Variants in ECM2 observed in about 807,000 individuals in gnomAD.
The protein encoded by ECM2 is extracellular matrix protein 2, female organ and adipocyte specific.
A neutral mutation model predicts 67.5 loss-of-function variants in ECM2; 57 were observed. The ratio of observed to expected loss-of-function variants is 0.84; its 90% CI spans 0.68 to 1.05. ECM2 has a LOEUF of 1.05. Among genes scored for constraint, ECM2 ranks in the 50% least tolerant of loss-of-function variants. The pLI, the probability that ECM2 is intolerant of heterozygous loss-of-function variation, is 0.00. For synonymous variants in ECM2, 258 were observed against 294.5 expected (o/e 0.88, Z 1.27); for missense variants, 741 against 822.8 (o/e 0.90, Z 1.22).
At chr9:92,544,627 A>C in the ECM2 span, among the ~76,000 whole-genome samples, 31 of 152,278 alleles carry the variant, frequency 2.0e-4, no homozygotes, top group Non-Finnish European at 3.7e-4. Context: ...AAAACTAGTA[A>C]AAGCTGTGGC....
At chr9:92,497,988 TG>T (rs1846453824) in intron 9 of ECM2, among the ~76,000 whole-genome samples, 1 of 151,986 alleles carries the variant, frequency 6.6e-6, no homozygotes, top group Admixed American at 6.5e-5. Context: ...GGAAGCAGCC[TG>T]AAGGCCCTCA....
chr9:92,545,393 G>A, the ECM2 span, among the ~76,000 whole-genome samples: 5 of 152,328 alleles, frequency 3.3e-5, no homozygotes, highest in African/African-American at 7.2e-5. Context: ...TAGCACCCCG[G>A]CCAGCAGCTG....
chr9:92,545,732 T>C, the ECM2 span, among the ~76,000 whole-genome samples: 2 of 152,152 alleles, frequency 1.3e-5, no homozygotes, highest in Non-Finnish European at 2.9e-5. Flanking sequence ...TTGAGTCTAG[T>C]GGGGATTTGG....
chr9:92,505,216 T>C (rs1310526777), intron 7 of ECM2, among the ~76,000 whole-genome samples: 2 of 152,230 alleles, frequency 1.3e-5, no homozygotes, highest in Non-Finnish European at 2.9e-5. Flanking sequence ...TGGGGCAGTT[T>C]ACACTGTCTT....
At chr9:92,541,245 C>T (rs945509822), upstream of ECM2, among the ~76,000 whole-genome samples, 6 of 152,196 alleles carry the variant, frequency 3.9e-5, no homozygotes, top group Non-Finnish European at 7.4e-5. Flanking sequence ...GGTGACAGAG[C>T]GAGACTCCAT....
the ECM2 span, among the ~76,000 whole-genome samples, chr9:92,550,126 G>A: frequency 6.6e-6 from 1 of 152,182 alleles, no homozygotes; most frequent in African/African-American, 2.4e-5. Context: ...GGCCGGGCGT[G>A]GTGGCTCACG....
the ECM2 span, among the ~76,000 whole-genome samples, chr9:92,554,188 CT>C: frequency 7.9e-4 from 115 of 146,488 alleles, no homozygotes; most frequent in Middle Eastern, 3.5e-3. Context: ...GTTTTTAATT[CT>C]TTTTTTTTTT....
At chr9:92,539,929 G>A (rs1849278870), upstream of ECM2, among the ~76,000 whole-genome samples, 1 of 151,952 alleles carries the variant, frequency 6.6e-6, no homozygotes, top group Admixed American at 6.5e-5. Flanking sequence ...GCATTTCCAG[G>A]TTGCTTTCCA....
At chr9:92,525,605 C>T (rs1848345628) in intron 1 of ECM2, among the ~76,000 whole-genome samples, 1 of 152,086 alleles carries the variant, frequency 6.6e-6, no homozygotes, top group Non-Finnish European at 1.5e-5. Flanking sequence ...AAAAATACAG[C>T]ACAGGCTGGG....
chr9:92,536,245 A>AT (rs1181251576), upstream of ECM2, among the ~76,000 whole-genome samples: 9 of 152,156 alleles, frequency 5.9e-5, no homozygotes, highest in Admixed American at 2.0e-4. Context: ...TGCAGGCTGA[A>AT]AAGGCAGAGT....
At chr9:92,498,329 TA>T (rs1190800096) in intron 9 of ECM2, among the ~76,000 whole-genome samples, 1 of 152,034 alleles carries the variant, frequency 6.6e-6, no homozygotes, top group African/African-American at 2.4e-5. Context: ...GGGATAGCAT[TA>T]GGAGGTATAC....
chr9:92,533,608 GA>G (rs1475238279), intron 1 of ECM2, among the ~76,000 whole-genome samples: 1 of 151,670 alleles, frequency 6.6e-6, no homozygotes, highest in African/African-American at 2.4e-5. Context: ...CAGGTCTAAT[GA>G]TCTGACTTGC....
At chr9:92,506,395 C>T (rs946870406) in intron 6 of ECM2, among the ~76,000 whole-genome samples, 2 of 152,126 alleles carry the variant, frequency 1.3e-5, no homozygotes, top group African/African-American at 4.8e-5. Flanking sequence ...ATTTTTTCTA[C>T]TTTGTTTCTA....
chr9:92,528,639 C>A (rs1394636948), intron 1 of ECM2, among the ~76,000 whole-genome samples: 1 of 152,190 alleles, frequency 6.6e-6, no homozygotes, highest in Non-Finnish European at 1.5e-5. Flanking sequence ...GAAAACCTTA[C>A]AATTCACAGG....
the ECM2 span, among the ~76,000 whole-genome samples, chr9:92,552,659 A>G: frequency 6.6e-6 from 1 of 151,934 alleles, no homozygotes; most frequent in Non-Finnish European, 1.5e-5. Flanking sequence ...AAAATTGTCT[A>G]TTCGTGTCAT....
upstream of ECM2, among the ~76,000 whole-genome samples, chr9:92,538,337 T>C (rs192480822): frequency 2.0e-5 from 3 of 152,326 alleles, no homozygotes; most frequent in African/African-American, 7.2e-5. Context: ...TTACCTTCTT[T>C]TGATGTATGT....
chr9:92,557,864 C>T, the ECM2 span, among the ~76,000 whole-genome samples: 30 of 152,152 alleles, frequency 2.0e-4, no homozygotes, highest in African/African-American at 6.7e-4. Context: ...AGGATGGTCT[C>T]GATCTCCTGA....
chr9:92,536,035 G>T, upstream of ECM2: 1 of 505,056 alleles, frequency 2.0e-6, no homozygotes, highest in South Asian at 1.5e-5. Flanking sequence ...AAGGACAGAA[G>T]GGAATGTTGA....
intron 1 of ECM2, among the ~76,000 whole-genome samples, chr9:92,525,857 C>T (rs1360912736): frequency 7.2e-6 from 1 of 138,532 alleles, no homozygotes; most frequent in Admixed American, 7.8e-5. Flanking sequence ...TACAGGTATG[C>T]ACCACCATGC....
Sources: allele counts gnomAD v4.1 joint callset (sites outside exome capture counted in the v4.1 genomes callset), GRCh38; gene constraint gnomAD v4.1.1; transcripts MANE v1.5; gene names NCBI Gene and HGNC (gene_info 2026-07-23, HGNC 2026-07-21).